The following SOHLH1 variants were observed in gnomAD, a reference collection of about 807,000 sequenced individuals.
SOHLH1 encodes the protein spermatogenesis and oogenesis specific basic helix-loop-helix 1, also known as spermatogenesis- and oogenesis-specific basic helix-loop-helix-containing protein 1.
A neutral mutation model predicts 36.2 loss-of-function variants in SOHLH1; 23 were observed. The ratio of observed to expected loss-of-function variants is 0.64; its 90% confidence interval spans 0.46 to 0.90. The LOEUF (loss-of-function observed/expected upper bound fraction) is 0.90, where lower values mean the gene tolerates loss of function less well. SOHLH1 is among the 40% of genes least tolerant of loss of function. The pLI is 0.00. For missense variants in SOHLH1, 608 were observed against 517.0 expected (o/e 1.18, Z -1.71); for synonymous variants, 289 against 228.3 (o/e 1.27, Z -2.40).
intron 6 of SOHLH1, among the ~76,000 whole-genome samples, chr9:135,694,802 C>G (rs888465621): frequency 6.6e-6 from 1 of 152,110 alleles, no homozygotes; most frequent in Middle Eastern, 3.4e-3. Flanking sequence ...TACTATCAGC[C>G]AAAACAAATG....
At chr9:135,699,235 G>A in intron 1 of SOHLH1, 109 bp from the exon 2 acceptor site, 3 of 1,525,702 alleles carry the variant, frequency 2.0e-6, no homozygotes, top group Middle Eastern at 2.0e-4. Flanking sequence ...GCCAAGACTG[G>A]GTCACGTAGG....
chr9:135,697,770 G>A (rs1223822929), intron 3 of SOHLH1, 143 bp from the exon 4 acceptor site: 2 of 1,008,584 alleles, frequency 2.0e-6, no homozygotes, highest in Non-Finnish European at 2.9e-6. Context: ...GAGAGTACAG[G>A]TTGACAACGA....
At position 135,695,213 on chromosome 9, in the gene SOHLH1, C is replaced by T. The variant is rs151131296; in HGVS notation, c.712G>A (p.Val238Met). 65 of 1,605,610 alleles carry T rather than the reference C, an allele frequency of 4.0e-5. No individual in the cohort carries two copies. The highest frequency in any genetic ancestry group is 2.9e-5 in the Non-Finnish European group (34 of 1,177,702). Reference protein sequence around the residue: ...WPPGRSLPKAVRPPLSWPPFS... With the variant: ...WPPGRSLPKAMRPPLSWPPFS... ...GGAGGCCAGGACAGGGGTGGCCTCA[C>T]AGCCTTAGGAAGACTCCGGCCTGGG... The change falls in exon 6 of 8, where the codon GTG (valine) becomes ATG (methionine). Residue 238 changes from valine (V) to methionine (M), a missense_variant. Physicochemically the swap from Val to Met is conservative, Grantham distance 21 (BLOSUM62 1). Transcript: ENST00000425225.
chr9:135,694,104 G>A (rs1242584252), intron 7 of SOHLH1: 3 of 1,428,870 alleles, frequency 2.1e-6, no homozygotes, highest in Non-Finnish European at 2.7e-6. Flanking sequence ...GGCTGGACCA[G>A]GGGCCTCGCT....
chr9:135,696,584 G>A (rs1295231162), intron 5 of SOHLH1, 28 bp downstream of exon 5: 7 of 1,610,190 alleles, frequency 4.3e-6, no homozygotes, highest in African/African-American at 1.3e-5. Flanking sequence ...CAGGCCAAAG[G>A]CACCCCACAT....
upstream of SOHLH1, among the ~76,000 whole-genome samples, chr9:135,700,247 C>T (rs187815438): frequency 4.6e-3 from 702 of 152,320 alleles, 10 homozygotes; most frequent in African/African-American, 0.016. Flanking sequence ...TCGCGGGGGT[C>T]CTGCCCATCC....
chr9:135,695,891 G>A (rs1045956873), intron 5 of SOHLH1, among the ~76,000 whole-genome samples: 4 of 152,154 alleles, frequency 2.6e-5, no homozygotes, highest in South Asian at 2.1e-4. Flanking sequence ...GGGAGGCCTC[G>A]GGCCCCTGGC....
intron 6 of SOHLH1, 66 bp downstream of exon 6, chr9:135,694,983 TG>T: frequency 2.0e-6 from 3 of 1,474,168 alleles, no homozygotes; most frequent in Non-Finnish European, 2.8e-6. Flanking sequence ...TGGGAGGAGG[TG>T]GGACAGGCTC....
chr9:135,699,763 C>G (rs1834970990), upstream of SOHLH1, among the ~76,000 whole-genome samples: 1 of 146,956 alleles, frequency 6.8e-6, no homozygotes, highest in South Asian at 2.1e-4. Context: ...CCTGCCTCTA[C>G]CCTTACCTTC....
upstream of SOHLH1, among the ~76,000 whole-genome samples, chr9:135,699,695 G>A (rs997840045): frequency 3.9e-5 from 6 of 152,070 alleles, no homozygotes; most frequent in South Asian, 6.2e-4. Context: ...GACTCGGGGG[G>A]TCCACCCACT....
chr9:135,698,432 G>A lies in SOHLH1; in HGVS notation c.242C>T (p.Pro81Leu). The change falls in exon 3 of 8, where the codon CCC becomes CTC. Residue 81 changes from proline to leucine, a missense_variant. Transcript: ENST00000425225. ...LSCERLRALLPQFDGRREDMA... is the reference protein window; with the variant it reads ...LSCERLRALLLQFDGRREDMA... ...GTCCTCCCGCCGGCCATCGAACTGG[G>A]GCAGCAGGGCCCGCAGACGCTCACA... The A allele has an allele frequency of 6.2e-7, 1 of 1,613,208 alleles. No homozygotes were observed. The highest frequency in any genetic ancestry group is 8.5e-7 in the Non-Finnish European group (1 of 1,180,034).
rs959970444 is a variant in SOHLH1, at chr9:135,694,437, A to C, written c.896T>G (p.Val299Gly). ...QEAGSALGSDVDDGTSFLLTA... is the reference protein window; with the variant it reads ...QEAGSALGSDGDDGTSFLLTA... Reference sequence around the variant, plus strand: ...CAGCAGGAAGGACGTCCCATCGTCCACATCAGACCCCAACGCAGACCTGGA... The same window carrying C: ...CAGCAGGAAGGACGTCCCATCGTCCCCATCAGACCCCAACGCAGACCTGGA... The change falls in exon 7 of 8, where the codon GTG becomes GGG. Residue 299 changes from valine (V) to glycine (G), a missense_variant. By Grantham distance (109) the Val-to-Gly change is moderately radical. Coordinates refer to ENST00000425225, the MANE Select transcript of SOHLH1 (RefSeq NM_001101677.2). 2 of 1,613,210 alleles carry C rather than the reference A, an allele frequency of 1.2e-6. No individual in the cohort carries two copies. Among genetic ancestry groups the C allele is most frequent in the Non-Finnish European group, 1.7e-6 (2 of 1,180,010 alleles).
chr9:135,695,014 C>G (rs750364732), intron 6 of SOHLH1, 36 bp downstream of exon 6: 8 of 1,551,562 alleles, frequency 5.2e-6, no homozygotes, highest in Admixed American at 3.7e-5. Context: ...TGCTCGCTCA[C>G]GCACACACAG....
chr9:135,693,951 G>A, intron 7 of SOHLH1, 137 bp from the exon 8 acceptor site: 1 of 1,436,400 alleles, frequency 7.0e-7, no homozygotes, highest in Non-Finnish European at 9.1e-7. Flanking sequence ...AGGCTGTGAT[G>A]AGGTGGGTGA....
chr9:135,694,493 C>T (rs1405125334), intron 6 of SOHLH1, 36 bp from the exon 7 acceptor site: 4 of 1,609,440 alleles, frequency 2.5e-6, no homozygotes, highest in Admixed American at 1.7e-5. Context: ...TGGCCACAAG[C>T]GGACCCAGAC....
intron 2 of SOHLH1, among the ~76,000 whole-genome samples, chr9:135,698,764 G>A (rs1588234947): frequency 1.3e-5 from 2 of 152,348 alleles, no homozygotes; most frequent in South Asian, 4.1e-4. Context: ...AAGCACAGAG[G>A]GTCACAGGTG....
chr9:135,699,541 TGCCCACCTGCCACGTGCTTTCCACCTA>T, upstream of SOHLH1: 1 of 1,483,094 alleles, frequency 6.7e-7, no homozygotes, highest in Non-Finnish European at 9.3e-7. Context: ...ACGTGTGCTC[TGCCCACCTGCCACGTGCTTTCCACCTA>T]GCCCACCCCA....
chr9:135,699,347 C>T (rs1283973869), intron 1 of SOHLH1, 56 bp downstream of exon 1: 6 of 1,567,174 alleles, frequency 3.8e-6, no homozygotes, highest in Non-Finnish European at 5.2e-6. Context: ...TGCGGAAGAA[C>T]CCCTGGGTAC....
At chr9:135,694,144 C>A in intron 7 of SOHLH1, 1 of 1,434,882 alleles carries the variant, frequency 7.0e-7, no homozygotes, top group Non-Finnish European at 9.1e-7. Context: ...GAATACAGGG[C>A]TCCAAGCACC....
Sources: gnomAD v4.1 joint callset for allele counts (sites outside exome capture counted in the v4.1 genomes callset) on GRCh38, gnomAD v4.1.1 for gene constraint, MANE v1.5 for transcripts, NCBI Gene and HGNC (gene_info 2026-07-23, HGNC 2026-07-21) for gene names.